Variants in AUTS2 observed in about 807,000 individuals in gnomAD.
The protein encoded by AUTS2 is activator of transcription and developmental regulator AUTS2, also known as autism susceptibility gene 2 protein.
Under a neutral mutation model 112.4 loss-of-function variants are expected in AUTS2, and 17 were observed. The observed-to-expected ratio is 0.15, with a 90% CI of 0.10 to 0.23. The LOEUF is 0.23. Among genes scored for constraint, AUTS2 ranks in the 10% least tolerant of loss-of-function variants. The probability of loss-of-function intolerance (pLI) is 1.00; values close to 1 mark genes in which losing one functional copy is unlikely to be tolerated. For synonymous variants in AUTS2, 751 were observed against 702.7 expected (o/e 1.07, Z -1.09); for missense variants, 1,510 against 1,701.6 (o/e 0.89, Z 1.98).
intron 4 of AUTS2, among the ~76,000 whole-genome samples, chr7:70,380,645 A>C (rs1298446915): frequency 6.6e-6 from 1 of 152,238 alleles, no homozygotes; most frequent in African/African-American, 2.4e-5. Context: ...CAAAGGATCC[A>C]TCAAGGCCAG....
At chr7:70,397,658 T>TACAC (rs145934747) in intron 4 of AUTS2, among the ~76,000 whole-genome samples, 8,570 of 149,514 alleles carry the variant, frequency 0.057, 313 homozygotes, top group Middle Eastern at 0.13. Context: ...TACATGTATG[T>TACAC]ACACACACAC....
intron 5 of AUTS2, among the ~76,000 whole-genome samples, chr7:70,570,792 T>C (rs553072094): frequency 1.3e-5 from 2 of 152,298 alleles, no homozygotes; most frequent in Admixed American, 6.5e-5. Flanking sequence ...TCCCATCTGA[T>C]CTCTTGTCTT....
chr7:70,497,917 CA>C (rs774348262), intron 5 of AUTS2, among the ~76,000 whole-genome samples: 1 of 152,166 alleles, frequency 6.6e-6, no homozygotes, highest in Non-Finnish European at 1.5e-5. Context: ...GACACTACTC[CA>C]GCCGCAATAG....
intron 2 of AUTS2, among the ~76,000 whole-genome samples, chr7:70,090,654 C>G (rs1390808202): frequency 4.0e-5 from 6 of 149,670 alleles, no homozygotes; most frequent in Non-Finnish European, 7.4e-5. Context: ...CATTTGCCCT[C>G]TTCCTAAAGG....
Position 70,377,832 on chromosome 7 carries a change from G to A in AUTS2, c.661-57920G>A, listed in dbSNP as rs184977948. 7.0e-3 allele frequency among the ~76,000 whole-genome samples: 1,051 copies of A among 149,304 alleles called. 8 individuals are homozygous for A. Among genetic ancestry groups the A allele is most frequent in the Middle Eastern group, 0.034 (10 of 290 alleles). Reference sequence around the variant, plus strand: ...GTCGCCCAGGCTGGAGTGCAGTGGCGCAATCTCGGCTCACTGCAAGCTCCG... The same window carrying A: ...GTCGCCCAGGCTGGAGTGCAGTGGCACAATCTCGGCTCACTGCAAGCTCCG... On this transcript the variant is annotated intron_variant, in intron 4 of 18. Coordinates refer to ENST00000342771, the MANE Select transcript of AUTS2 (RefSeq NM_015570.4).
Position 70,042,135 on chromosome 7 carries a change from A to C in AUTS2, c.523-75997A>C, listed in dbSNP as rs564260689. ...TGGAATGCCTAGATAATAAGTTTTC[A>C]GTAAAGCATTACACATTGCAAGAAG... is the stretch of plus-strand genomic sequence containing the variant. On this transcript the variant is annotated intron_variant, in intron 2 of 18. Coordinates refer to ENST00000342771, the MANE Select transcript of AUTS2 (RefSeq NM_015570.4). Among the ~76,000 whole-genome samples, 10 of 152,258 alleles carry C rather than the reference A, an allele frequency of 6.6e-5. No individual in the cohort carries two copies. In the East Asian group the frequency reaches 1.9e-3, roughly 29 times the overall value.
At chr7:70,508,858 G>T (rs1381407504) in intron 5 of AUTS2, among the ~76,000 whole-genome samples, 1 of 152,200 alleles carries the variant, frequency 6.6e-6, no homozygotes, top group Non-Finnish European at 1.5e-5. Flanking sequence ...TGTTTGCATT[G>T]TAACACTTCT....
intron 2 of AUTS2, among the ~76,000 whole-genome samples, chr7:69,955,235 T>G (rs1038195563): frequency 6.6e-6 from 1 of 152,180 alleles, no homozygotes; most frequent in Non-Finnish European, 1.5e-5. Flanking sequence ...TCTCAACACC[T>G]GTGTTCCTTT....
At chr7:70,721,886 A>C (rs965347919) in intron 6 of AUTS2, among the ~76,000 whole-genome samples, 4 of 152,136 alleles carry the variant, frequency 2.6e-5, no homozygotes, top group African/African-American at 9.7e-5. Context: ...ATGATGCTTC[A>C]GTATTCATCT....
At chr7:70,444,373 T>TGTGTGTGTGTGAGA (rs372696006) in intron 5 of AUTS2, among the ~76,000 whole-genome samples, 1,725 of 142,400 alleles carry the variant, frequency 0.012, 49 homozygotes, top group African/African-American at 0.044. Flanking sequence ...TGTGTGTGTG[T>TGTGTGTGTGTGAGA]GAGAGAGAGA....
At chr7:69,772,772 A>G (rs973306559) in intron 1 of AUTS2, among the ~76,000 whole-genome samples, 5 of 152,222 alleles carry the variant, frequency 3.3e-5, no homozygotes, top group Non-Finnish European at 7.3e-5. Context: ...CTTTGAAAGT[A>G]TAGACTTGTA....
At position 70,790,275 on chromosome 7, in the gene AUTS2, C is replaced by A. The variant is rs776239694; in HGVS notation, c.3059C>A (p.Ala1020Asp). ...TCCAGCGTGCACCCGGGGCCCCTGGCCTCGATGCCCATGACGGTGGGGGTG... is the reference window on the plus strand; with the variant it reads ...TCCAGCGTGCACCCGGGGCCCCTGGACTCGATGCCCATGACGGTGGGGGTG... ...SSSSVHPGPL[A>D]SMPMTVGVTG... Residue 1020 changes from alanine (A) to aspartate (D), a missense_variant, in exon 19 of 19, where the codon GCC becomes GAC. Transcript: ENST00000342771. This position sits in a 1 kb window ranked among gnomAD's most constrained non-coding sequence, Gnocchi z 7.6. The A allele has an allele frequency of 6.2e-7, 1 of 1,613,134 alleles. No individual in the cohort carries two copies. Among genetic ancestry groups the A allele is most frequent in the East Asian group, 2.2e-5 (1 of 44,840 alleles).
chr7:70,604,974 G>A (rs1307487027), intron 5 of AUTS2, among the ~76,000 whole-genome samples: 3 of 152,226 alleles, frequency 2.0e-5, no homozygotes, highest in African/African-American at 4.8e-5. Flanking sequence ...TGTGGGAATA[G>A]ATTTTCCTGA....
chr7:69,653,311 G>C (rs1461941703), intron 1 of AUTS2, among the ~76,000 whole-genome samples: 1 of 152,226 alleles, frequency 6.6e-6, no homozygotes, highest in African/African-American at 2.4e-5. Context: ...GAAATTTCAG[G>C]TGTGGGCCAG....
At chr7:70,725,010 G>A (rs1786943209) in intron 6 of AUTS2, among the ~76,000 whole-genome samples, 2 of 152,204 alleles carry the variant, frequency 1.3e-5, no homozygotes, top group Non-Finnish European at 2.9e-5. Flanking sequence ...GCAGGGGTGG[G>A]AGAGGGAGAA....
intron 2 of AUTS2, among the ~76,000 whole-genome samples, chr7:70,077,114 A>G (rs1366232303): frequency 2.0e-5 from 3 of 152,228 alleles, no homozygotes; most frequent in African/African-American, 7.2e-5. Context: ...ATATGTAAAT[A>G]GGAACTTTCT....
At chr7:70,497,382 G>T (rs1055206601) in intron 5 of AUTS2, among the ~76,000 whole-genome samples, 2 of 152,190 alleles carry the variant, frequency 1.3e-5, no homozygotes, top group African/African-American at 2.4e-5. Flanking sequence ...CTTCAGACAG[G>T]TTGCTTTATC....
chr7:70,781,368 A>C, intron 14 of AUTS2: 1 of 290,978 alleles, frequency 3.4e-6, no homozygotes, highest in Non-Finnish European at 6.2e-6. Flanking sequence ...CCGTCACAAA[A>C]AAAAAAAAAA....
intron 4 of AUTS2, among the ~76,000 whole-genome samples, chr7:70,380,875 GAACAGC>G (rs1257865955): frequency 6.6e-6 from 1 of 152,186 alleles, no homozygotes; most frequent in Non-Finnish European, 1.5e-5. Flanking sequence ...GCCTGAAATA[GAACAGC>G]CTGTTTTCAG....
Sources: gnomAD v4.1 joint callset for allele counts (sites outside exome capture counted in the v4.1 genomes callset) on GRCh38, gnomAD v4.1.1 for gene constraint, Gnocchi (gnomAD v3.1) non-coding constraint, MANE v1.5 for transcripts, NCBI Gene and HGNC (gene_info 2026-07-23, HGNC 2026-07-21) for gene names.